Variants in TBC1D1 observed in about 807,000 individuals in gnomAD.
TBC1D1 encodes the protein TBC1 domain family member 1.
A neutral mutation model predicts 125.6 loss-of-function variants in TBC1D1; 89 were observed. The observed-to-expected ratio is 0.71, with a 90% CI of 0.60 to 0.85. The LOEUF (loss-of-function observed/expected upper bound fraction) is 0.85. TBC1D1 is among the 40% of genes least tolerant of loss of function. TBC1D1 has a pLI of 0.00. For synonymous variants in TBC1D1, 565 were observed against 564.1 expected, an observed-to-expected ratio of 1.00 and a Z score of -0.02; for missense variants, 1,377 against 1,469.2, an observed-to-expected ratio of 0.94 and a Z score of 1.03.
At position 38,053,227 on chromosome 4, in the gene TBC1D1, T is replaced by G. The variant is rs1751071432; in HGVS notation, c.1911-972T>G. The stretch of plus-strand genomic sequence containing the variant: ...CTCTGATTTTATGAACACAAAAAGG[T>G]AGGGCTTAATTTAGATATATCAAGC... On this transcript the variant is annotated intron_variant, in intron 11 of 19. Coordinates refer to ENST00000261439, the MANE Select transcript of TBC1D1 (RefSeq NM_015173.4). 1.3e-6 allele frequency: 2 copies of G among 1,505,940 alleles called. No homozygotes were observed. Among genetic ancestry groups the G allele is most frequent in the Admixed American group, 2.4e-5 (1 of 41,904 alleles). 93.3% of individuals were successfully genotyped at this position (1,505,940 alleles called of 1,614,324 possible).
chr4:38,041,907 C>T (rs907358768), intron 8 of TBC1D1, among the ~76,000 whole-genome samples: 6 of 152,184 alleles, frequency 3.9e-5, no homozygotes, highest in Non-Finnish European at 8.8e-5. Context: ...GGCACAGTGG[C>T]TCACGCCTGT....
At chr4:38,087,113 A>G (rs768736352) in intron 12 of TBC1D1, among the ~76,000 whole-genome samples, 1 of 152,210 alleles carries the variant, frequency 6.6e-6, no homozygotes, top group Non-Finnish European at 1.5e-5. Flanking sequence ...CCAAGAACCC[A>G]TATGGTAAAA....
At chr4:38,136,996 G>A in intron 19 of TBC1D1, 139 bp from the exon 22 acceptor site, 1 of 1,418,914 alleles carries the variant, frequency 7.0e-7, no homozygotes, top group South Asian at 1.3e-5. Flanking sequence ...TGTGTGGCCA[G>A]AACTGATGAT....
intron 12 of TBC1D1, among the ~76,000 whole-genome samples, chr4:38,084,616 CGTT>C (rs1488272215): frequency 1.3e-5 from 2 of 152,146 alleles, no homozygotes; most frequent in Non-Finnish European, 2.9e-5. Flanking sequence ...ATGTTAATCC[CGTT>C]GTTGTTAACT....
At chr4:37,999,791 G>C (rs1197614761) in intron 2 of TBC1D1, among the ~76,000 whole-genome samples, 3 of 152,180 alleles carry the variant, frequency 2.0e-5, no homozygotes, top group African/African-American at 7.2e-5. Context: ...GGTATTTATT[G>C]GGTATGCTTT....
intron 12 of TBC1D1, among the ~76,000 whole-genome samples, chr4:38,074,096 A>G (rs1301927768): frequency 6.6e-6 from 1 of 152,216 alleles, no homozygotes; most frequent in Non-Finnish European, 1.5e-5. Flanking sequence ...AGTCACTGCC[A>G]GAGGAAACCT....
rs543416134 is a variant in TBC1D1, at chr4:37,934,234, A to T, written c.417+31722A>T. ...AAGGTCAACTGGCTGACAGCTGTCC[A>T]TCTGGGGCGACATCCAGGGACCAAG... On this transcript the variant is annotated intron_variant, in intron 2 of 19. Coordinates refer to ENST00000261439, the MANE Select transcript of TBC1D1 (RefSeq NM_015173.4). Among the ~76,000 whole-genome samples the T allele has an allele frequency of 3.9e-5, 6 of 152,314 alleles. No individual in the cohort carries two copies. The East Asian group carries it at 9.7e-4, about 25-fold the overall frequency.
chr4:38,014,947 G>A lies in TBC1D1; in HGVS notation c.856G>A (p.Glu286Lys), dbSNP rs765323116. 2 of 1,550,936 alleles carry A rather than the reference G, an allele frequency of 1.3e-6. No individual in the cohort carries two copies. Among genetic ancestry groups the A allele is most frequent in the Non-Finnish European group, 1.7e-6 (2 of 1,144,950 alleles). ...CAATATTGTGCAGCCCACAGATATC[G>A]AGGAAAATCGAACTATGCTCTTCAC... is the stretch of plus-strand genomic sequence containing the variant. Residue 286 changes from glutamate to lysine, a missense_variant, in exon 3 of 20, where the codon GAG (glutamate) becomes AAG (lysine). By Grantham distance (56) the Glu-to-Lys change is moderately conservative. Transcript: ENST00000261439. The surrounding 1 kb of genome is among the most constrained non-coding windows in gnomAD (Gnocchi z 5.1).
chr4:38,083,938 T>C (rs1206115496), intron 12 of TBC1D1, among the ~76,000 whole-genome samples: 3 of 150,626 alleles, frequency 2.0e-5, no homozygotes, highest in Non-Finnish European at 4.4e-5. Flanking sequence ...TGTTGTCTTT[T>C]TTTTTTTTTT....
intron 2 of TBC1D1, among the ~76,000 whole-genome samples, chr4:37,992,817 T>A (rs1429198620): frequency 1.4e-5 from 2 of 146,178 alleles, no homozygotes; most frequent in Non-Finnish European, 3.0e-5. Flanking sequence ...TTTTTTTCTT[T>A]TTTTGGAGAC....
In TBC1D1 at chr4:38,118,201, TA is replaced by T. The variant is rs1172689406; in HGVS notation, c.2962+10del. 2.5e-6 allele frequency: 4 copies of T among 1,613,900 alleles called. No homozygotes were observed. The South Asian group carries it at 4.4e-5, about 18-fold the overall frequency. On this transcript the variant is annotated intron_variant, in intron 17 of 19. Coordinates refer to ENST00000261439, the MANE Select transcript of TBC1D1 (RefSeq NM_015173.4). ...CGTAGCCAGAGTCTTTGGTGAGCAT[TA>T]GTAAATCTGTTTGCCAGAACCAGCC...
chr4:37,961,513 A>G (rs946069415), intron 2 of TBC1D1, among the ~76,000 whole-genome samples: 1 of 152,228 alleles, frequency 6.6e-6, no homozygotes, highest in Non-Finnish European at 1.5e-5. Flanking sequence ...TTATTCTGCT[A>G]ATGTCTTACA....
intron 19 of TBC1D1, among the ~76,000 whole-genome samples, chr4:38,134,323 T>C (rs1225414367): frequency 6.6e-6 from 1 of 152,178 alleles, no homozygotes; most frequent in Non-Finnish European, 1.5e-5. Flanking sequence ...CCCTATCAGA[T>C]ATGTGAAAGA....
intron 7 of TBC1D1, among the ~76,000 whole-genome samples, chr4:38,029,962 G>A (rs546559527): frequency 1.3e-5 from 2 of 152,172 alleles, no homozygotes; most frequent in Non-Finnish European, 2.9e-5. Flanking sequence ...TGGACAATAT[G>A]CTTCTGATTG....
chr4:37,901,058 C>T (rs1391736738), intron 1 of TBC1D1, among the ~76,000 whole-genome samples: 8 of 135,744 alleles, frequency 5.9e-5, no homozygotes, highest in African/African-American at 1.2e-4. Flanking sequence ...GGCAACAGAG[C>T]GAGACTCTGT....
At chr4:38,113,008 T>G (rs949195606) in intron 15 of TBC1D1, among the ~76,000 whole-genome samples, 1 of 152,194 alleles carries the variant, frequency 6.6e-6, no homozygotes, top group African/African-American at 2.4e-5. Flanking sequence ...TGGCAAAATT[T>G]GGCCCAAGGT....
intron 15 of TBC1D1, among the ~76,000 whole-genome samples, chr4:38,109,165 C>G: frequency 6.6e-6 from 1 of 152,198 alleles, no homozygotes; most frequent in African/African-American, 2.4e-5. Flanking sequence ...TGTTATCTCA[C>G]GCACCTGTCT....
intron 19 of TBC1D1, among the ~76,000 whole-genome samples, chr4:38,135,728 TTTTCATATTTTGGGTGTTCTAGTGGCCC>T (rs1278058760): frequency 6.6e-6 from 1 of 152,152 alleles, no homozygotes. Flanking sequence ...CTTGGTCCCT[TTTTCATATTTTGGGTGTTCTAGTGGCCC>T]AGCCAGAGCT....
chr4:37,983,568 TAC>T (rs1470460440), intron 2 of TBC1D1, among the ~76,000 whole-genome samples: 1 of 152,244 alleles, frequency 6.6e-6, no homozygotes, highest in Admixed American at 6.5e-5. Flanking sequence ...GAGTGGAAGT[TAC>T]AGAGATTTCC....
Sources: gnomAD v4.1 joint callset for allele counts (sites outside exome capture counted in the v4.1 genomes callset) on GRCh38, gnomAD v4.1.1 for gene constraint, Gnocchi (gnomAD v3.1) non-coding constraint, MANE v1.5 for transcripts, NCBI Gene and HGNC (gene_info 2026-07-23, HGNC 2026-07-21) for gene names.